The following SAMD5 variants were observed in gnomAD, a reference collection of about 807,000 sequenced individuals.
SAMD5 encodes the protein sterile alpha motif domain containing 5, also known as sterile alpha motif domain-containing protein 5.
Under a neutral mutation model 11.3 loss-of-function variants are expected in SAMD5, and 13 were observed. The ratio of observed to expected loss-of-function variants is 1.15; its 90% CI spans 0.75 to 1.83. The LOEUF is 1.83. Among genes scored for constraint, SAMD5 ranks in the 40% most tolerant of loss-of-function variants. The pLI, the probability that SAMD5 is intolerant of heterozygous loss-of-function variation, is 0.00. For missense variants in SAMD5, 255 were observed against 239.1 expected (o/e 1.07, Z -0.44); for synonymous variants, 129 against 111.3 (o/e 1.16, Z -1.00).
At chr6:147,541,623 G>T (rs1219965763) in intron 1 of SAMD5, among the ~76,000 whole-genome samples, 2 of 152,108 alleles carry the variant, frequency 1.3e-5, no homozygotes, top group Non-Finnish European at 2.9e-5. Context: ...AATAAGGAGG[G>T]TTCTCTGAGT....
intron 1 of SAMD5, among the ~76,000 whole-genome samples, chr6:147,561,972 G>A (rs888128363): frequency 3.0e-4 from 46 of 152,170 alleles, no homozygotes; most frequent in Non-Finnish European, 1.5e-4. Context: ...CGGAAATCCT[G>A]TTCATCTGCC....
At chr6:147,679,131 T>C (rs1790905645) in intron 1 of SAMD5, among the ~76,000 whole-genome samples, 1 of 152,154 alleles carries the variant, frequency 6.6e-6, no homozygotes, top group Non-Finnish European at 1.5e-5. Context: ...CTATGAATAT[T>C]TATGTACACA....
the SAMD5 span, among the ~76,000 whole-genome samples, chr6:147,837,145 T>C: frequency 3.9e-5 from 6 of 152,158 alleles, no homozygotes. Flanking sequence ...TGGTGGTGAA[T>C]TTGTTTCTTA....
chr6:147,679,191 C>T (rs1189301649), intron 1 of SAMD5, among the ~76,000 whole-genome samples: 1 of 152,192 alleles, frequency 6.6e-6, no homozygotes, highest in African/African-American at 2.4e-5. Flanking sequence ...GTGGCTGGAT[C>T]GAATAGTGGG....
chr6:147,517,827 A>G (rs888120890), intron 1 of SAMD5, among the ~76,000 whole-genome samples: 3 of 152,122 alleles, frequency 2.0e-5, no homozygotes, highest in Non-Finnish European at 4.4e-5. Context: ...GACATTCAGT[A>G]AAGTGTGAAA....
the SAMD5 span, among the ~76,000 whole-genome samples, chr6:147,878,225 C>G: frequency 1.3e-5 from 2 of 151,884 alleles, no homozygotes; most frequent in East Asian, 3.9e-4. Flanking sequence ...AGGTTCAGTA[C>G]CTGGTGAGGA....
the SAMD5 span, among the ~76,000 whole-genome samples, chr6:147,754,063 C>A: frequency 2.0e-5 from 3 of 152,040 alleles, no homozygotes; most frequent in South Asian, 2.1e-4. Flanking sequence ...TGGGTATATA[C>A]CCAGCAGTGG....
intron 1 of SAMD5, among the ~76,000 whole-genome samples, chr6:147,525,310 A>G (rs1331780774): frequency 1.4e-5 from 2 of 144,466 alleles, no homozygotes; most frequent in African/African-American, 5.2e-5. Context: ...TATGGCAGGG[A>G]GGAAGATTTT....
the SAMD5 span, among the ~76,000 whole-genome samples, chr6:147,827,346 A>G: frequency 7.6e-3 from 1,152 of 152,306 alleles, 13 homozygotes; most frequent in Middle Eastern, 0.041. Context: ...AGGAAGGAAT[A>G]GTAAATAAAT....
downstream of SAMD5, chr6:147,570,026 C>T (rs561041810): frequency 3.7e-5 from 36 of 984,306 alleles, no homozygotes; most frequent in Admixed American, 1.2e-4. Flanking sequence ...ACAGCGGTTC[C>T]GCCTTGGCCT....
In SAMD5 at chr6:147,554,877, G is replaced by A. The variant is rs150315541; in HGVS notation, c.460-9517G>A. Among the ~76,000 whole-genome samples the A allele has an allele frequency of 6.0e-4, 91 of 152,222 alleles. 1 individual carries two copies. The highest frequency in any genetic ancestry group is 1.9e-3 in the African/African-American group (77 of 41,544). On this transcript the variant is annotated intron_variant, in intron 1 of 1. Coordinates refer to ENST00000367474, the MANE Select transcript of SAMD5 (RefSeq NM_001030060.3). ...ATAGAGCAGTAGTTCTCAAAGTGCC[G>A]TCCCCAAGGCCCTTTCAGGGGGTCT...
chr6:147,610,724 G>A (rs1789770743), intron 1 of SAMD5, among the ~76,000 whole-genome samples: 1 of 152,076 alleles, frequency 6.6e-6, no homozygotes, highest in Admixed American at 6.5e-5. Flanking sequence ...TGAGTGTCTG[G>A]CCCTCATTGT....
At chr6:147,821,464 G>A in the SAMD5 span, among the ~76,000 whole-genome samples, 3 of 152,220 alleles carry the variant, frequency 2.0e-5, no homozygotes, top group African/African-American at 4.8e-5. Flanking sequence ...CAACCTGACA[G>A]TCACAAAGGC....
intron 1 of SAMD5, among the ~76,000 whole-genome samples, chr6:147,624,818 C>G (rs1790027363): frequency 1.3e-5 from 2 of 151,558 alleles, no homozygotes; most frequent in Non-Finnish European, 2.9e-5. Context: ...CAAATCACCA[C>G]TAAACAACTT....
intron 1 of SAMD5, among the ~76,000 whole-genome samples, chr6:147,607,177 A>G (rs188087230): frequency 1.3e-5 from 2 of 152,252 alleles, no homozygotes; most frequent in Admixed American, 1.3e-4. Context: ...TTAAATAGAA[A>G]GTGGAGCACA....
chr6:147,658,632 A>G (rs1317422822), intron 1 of SAMD5, among the ~76,000 whole-genome samples: 1 of 151,514 alleles, frequency 6.6e-6, no homozygotes, highest in Non-Finnish European at 1.5e-5. Flanking sequence ...TAAAGACATT[A>G]TGGGTGAGAT....
chr6:147,571,740 T>C (rs141477749), downstream of SAMD5, among the ~76,000 whole-genome samples: 8 of 152,306 alleles, frequency 5.3e-5, no homozygotes, highest in East Asian at 9.6e-4. Flanking sequence ...TTAATCTACA[T>C]AATAGCATTT....
At chr6:147,596,519 A>AT (rs141022193) in intron 1 of SAMD5, among the ~76,000 whole-genome samples, 7,394 of 152,232 alleles carry the variant, frequency 0.049, 553 homozygotes, top group African/African-American at 0.16. Context: ...CTACAAATAT[A>AT]TTTTTCAGAG....
intron 1 of SAMD5, among the ~76,000 whole-genome samples, chr6:147,520,091 T>G (rs533263979): frequency 4.0e-4 from 60 of 151,840 alleles, no homozygotes; most frequent in Non-Finnish European, 7.5e-4. Flanking sequence ...TGAAGTTGCT[T>G]TGTAAAATTC....
Sources: allele counts gnomAD v4.1 joint callset (sites outside exome capture counted in the v4.1 genomes callset), GRCh38; gene constraint gnomAD v4.1.1; transcripts MANE v1.5; gene names NCBI Gene and HGNC (gene_info 2026-07-23, HGNC 2026-07-21).